Variants in RBFOX1 observed in about 807,000 individuals in gnomAD.
RBFOX1 encodes RNA binding protein fox-1 homolog 1.
A neutral mutation model predicts 57.7 loss-of-function variants in RBFOX1; 8 were observed. The ratio of observed to expected loss-of-function variants is 0.14; its 90% CI spans 0.08 to 0.25. The LOEUF is 0.25. Ranked by LOEUF, RBFOX1 falls within the 10% of genes least tolerant of loss-of-function variation. The pLI is 1.00. For synonymous variants in RBFOX1, 326 were observed against 222.4 expected, an observed-to-expected ratio of 1.47 and a Z score of -4.15; for missense variants, 611 against 548.5, an observed-to-expected ratio of 1.11 and a Z score of -1.14.
chr16:6,873,094 A>G (rs1156981149), intron 3 of RBFOX1, among the ~76,000 whole-genome samples: 1 of 151,110 alleles, frequency 6.6e-6, no homozygotes, highest in African/African-American at 2.4e-5. Context: ...TGTACCTTGT[A>G]TTTCTTACTT....
intron 1 of RBFOX1, among the ~76,000 whole-genome samples, chr16:6,039,203 G>A (rs367995938): frequency 6.6e-5 from 10 of 151,808 alleles, no homozygotes; most frequent in Non-Finnish European, 1.5e-4. Flanking sequence ...AAGCCTGGTC[G>A]GGGCAAGTCC....
chr16:6,599,504 C>T (rs918919022), intron 2 of RBFOX1, among the ~76,000 whole-genome samples: 9 of 152,166 alleles, frequency 5.9e-5, no homozygotes, highest in Admixed American at 3.9e-4. Flanking sequence ...GGCTTAAACA[C>T]TAATAAGTGA....
At chr16:6,257,620 T>C (rs904452929) in intron 1 of RBFOX1, among the ~76,000 whole-genome samples, 1 of 152,194 alleles carries the variant, frequency 6.6e-6, no homozygotes, top group Non-Finnish European at 1.5e-5. Context: ...TTCCCTTCTA[T>C]GTGTCCATGT....
intron 4 of RBFOX1, among the ~76,000 whole-genome samples, chr16:7,436,922 A>G (rs2098726237): frequency 6.6e-6 from 1 of 152,168 alleles, no homozygotes; most frequent in Admixed American, 6.5e-5. Flanking sequence ...AAATAAATAA[A>G]TAAATAAAAA....
chr16:5,850,083 C>T (rs2056854726), intron 3 of RBFOX1, among the ~76,000 whole-genome samples: 1 of 152,198 alleles, frequency 6.6e-6, no homozygotes, highest in African/African-American at 2.4e-5. Flanking sequence ...TCTGTTTACT[C>T]TGAACCCAGG....
intron 4 of RBFOX1, among the ~76,000 whole-genome samples, chr16:7,442,177 G>T (rs990755158): frequency 3.3e-5 from 5 of 152,066 alleles, no homozygotes; most frequent in Admixed American, 2.6e-4. Context: ...TTACCTTTTG[G>T]CCTTCGTTCT....
At chr16:5,269,156 A>T (rs2062938251) in intron 1 of RBFOX1, among the ~76,000 whole-genome samples, 1 of 81,078 alleles carries the variant, frequency 1.2e-5, no homozygotes, top group Non-Finnish European at 2.9e-5. Flanking sequence ...GCCTCAGGTG[A>T]TACACCCACC....
chr16:7,605,080 T>A (rs1449626559), intron 9 of RBFOX1, among the ~76,000 whole-genome samples: 1 of 152,226 alleles, frequency 6.6e-6, no homozygotes. Flanking sequence ...TGCAGCTTTA[T>A]TTTCAACTAG....
At chr16:7,502,209 T>G (rs561114336) in intron 4 of RBFOX1, among the ~76,000 whole-genome samples, 35 of 152,350 alleles carry the variant, frequency 2.3e-4, no homozygotes, top group African/African-American at 8.2e-4. Context: ...TAGACATCTT[T>G]CTACAAGTGA....
intron 1 of RBFOX1, among the ~76,000 whole-genome samples, chr16:5,313,551 G>C (rs2064149097): frequency 6.6e-6 from 1 of 152,094 alleles, no homozygotes; most frequent in Admixed American, 6.6e-5. Flanking sequence ...CCCGAGACTG[G>C]GAAGAGAAAG....
intron 1 of RBFOX1, among the ~76,000 whole-genome samples, chr16:6,083,585 T>C (rs2152513695): frequency 6.6e-6 from 1 of 152,156 alleles, no homozygotes; most frequent in East Asian, 1.9e-4. Flanking sequence ...CAGATGATCC[T>C]CCAGCCTCAG....
intron 4 of RBFOX1, among the ~76,000 whole-genome samples, chr16:7,316,940 G>A (rs8058813): frequency 6.8e-6 from 1 of 147,670 alleles, no homozygotes. Context: ...TGGATTTTTT[G>A]CCAAGACGAA....
intron 5 of RBFOX1, among the ~76,000 whole-genome samples, chr16:7,563,236 T>G (rs1372285092): frequency 6.6e-6 from 1 of 152,198 alleles, no homozygotes; most frequent in East Asian, 1.9e-4. Flanking sequence ...CGATGCTGGT[T>G]ATTATAATAA....
At chr16:5,484,598 C>A (rs952465115) in intron 2 of RBFOX1, among the ~76,000 whole-genome samples, 1 of 152,018 alleles carries the variant, frequency 6.6e-6, no homozygotes. Flanking sequence ...GGCAACATAG[C>A]GAGACCTTGT....
At chr16:7,634,054 A>G (rs2142927590) in intron 11 of RBFOX1, among the ~76,000 whole-genome samples, 2 of 152,234 alleles carry the variant, frequency 1.3e-5, no homozygotes, top group South Asian at 4.1e-4. Flanking sequence ...TCTTCTCCCA[A>G]CAGTTTCGAT....
At chr16:5,750,854 T>A (rs2053172430) in intron 3 of RBFOX1, among the ~76,000 whole-genome samples, 1 of 152,240 alleles carries the variant, frequency 6.6e-6, no homozygotes, top group Non-Finnish European at 1.5e-5. Flanking sequence ...TCACGCATGG[T>A]GGGCTGCATC....
chr16:5,511,238 C>T (rs972106801), intron 2 of RBFOX1, among the ~76,000 whole-genome samples: 6 of 152,184 alleles, frequency 3.9e-5, no homozygotes, highest in African/African-American at 1.4e-4. Context: ...AATGGCTTGG[C>T]TGGCGGAACT....
chr16:6,890,294 G>T (rs1249859394), intron 3 of RBFOX1, among the ~76,000 whole-genome samples: 1 of 152,078 alleles, frequency 6.6e-6, no homozygotes, highest in Non-Finnish European at 1.5e-5. Flanking sequence ...CGAGGCAGGT[G>T]GATTGCTTGA....
intron 3 of RBFOX1, among the ~76,000 whole-genome samples, chr16:6,907,262 G>T (rs1298614459): frequency 6.6e-6 from 1 of 152,156 alleles, no homozygotes; most frequent in Non-Finnish European, 1.5e-5. Flanking sequence ...CAAAGCGTTT[G>T]TAGTGCTGAC....
Sources: allele counts gnomAD v4.1 joint callset (sites outside exome capture counted in the v4.1 genomes callset), GRCh38; gene constraint gnomAD v4.1.1; transcripts MANE v1.5; gene names NCBI Gene and HGNC (gene_info 2026-07-23, HGNC 2026-07-21).